ZNF362: variants seen among roughly 807,000 people sequenced by gnomAD.
ZNF362 encodes the protein rotund homolog.
In ZNF362, 11 loss-of-function variants were observed where a neutral mutation model predicts 42.9. That is an observed-to-expected ratio of 0.26 (90% CI 0.16 to 0.42). ZNF362 has a LOEUF of 0.42. Ranked by LOEUF, ZNF362 falls within the 20% of genes least tolerant of loss-of-function variation. ZNF362 has a pLI of 1.00. For missense variants in ZNF362, 362 were observed against 576.2 expected (o/e 0.63, Z 3.81); for synonymous variants, 255 against 257.3 (o/e 0.99, Z 0.09).
At chr1:33,175,586 G>C in the ZNF362 span, among the ~76,000 whole-genome samples, 2 of 152,142 alleles carry the variant, frequency 1.3e-5, no homozygotes, top group East Asian at 3.9e-4. Flanking sequence ...GTGCTCCCTG[G>C]GACAGTTGGC....
upstream of ZNF362, among the ~76,000 whole-genome samples, chr1:33,251,908 C>T (rs1291899102): frequency 6.6e-6 from 1 of 152,226 alleles, no homozygotes; most frequent in African/African-American, 2.4e-5. Context: ...CACCCATGTC[C>T]AGTCTATTCT....
the ZNF362 span, among the ~76,000 whole-genome samples, chr1:33,219,935 G>A: frequency 6.6e-6 from 1 of 152,106 alleles, no homozygotes; most frequent in Non-Finnish European, 1.5e-5. Context: ...CCCTTTTCCA[G>A]CTCAGGGCCC....
At chr1:33,270,390 A>G (rs981828169) in intron 1 of ZNF362, 97 bp from the exon 2 acceptor site, 2 of 564,184 alleles carry the variant, frequency 3.5e-6, no homozygotes, top group African/African-American at 1.9e-5. Context: ...GACATGAATC[A>G]TGACATATTC....
At chr1:33,241,037 C>G in the ZNF362 span, among the ~76,000 whole-genome samples, 1 of 150,656 alleles carries the variant, frequency 6.6e-6, no homozygotes, top group Non-Finnish European at 1.5e-5. Flanking sequence ...GCTGGGTAAT[C>G]CAAAGGGGGA....
At chr1:33,127,888 C>T in the ZNF362 span, among the ~76,000 whole-genome samples, 1 of 152,268 alleles carries the variant, frequency 6.6e-6, no homozygotes, top group Admixed American at 6.5e-5. Flanking sequence ...TTAATCGACA[C>T]AGGCCTGTGC....
the ZNF362 span, among the ~76,000 whole-genome samples, chr1:33,235,007 T>C: frequency 6.6e-6 from 1 of 151,934 alleles, no homozygotes; most frequent in Non-Finnish European, 1.5e-5. Context: ...CCCCCTGCAG[T>C]CCCGGGTCAT....
At chr1:33,160,603 C>A in the ZNF362 span, among the ~76,000 whole-genome samples, 2 of 152,028 alleles carry the variant, frequency 1.3e-5, no homozygotes, top group African/African-American at 4.8e-5. Context: ...TGGGGTTTCA[C>A]CATGTTGGCC....
chr1:33,132,918 G>A, the ZNF362 span, among the ~76,000 whole-genome samples: 4 of 152,234 alleles, frequency 2.6e-5, no homozygotes, highest in Admixed American at 6.5e-5. Flanking sequence ...AAGCATGGGG[G>A]AATGTTTTAA....
the ZNF362 span, among the ~76,000 whole-genome samples, chr1:33,250,896 G>GA: frequency 2.5e-5 from 1 of 39,968 alleles, no homozygotes; most frequent in East Asian, 8.3e-4. Context: ...GAAGAAGAAG[G>GA]AGAAGAAGAA....
chr1:33,135,244 C>T, the ZNF362 span, among the ~76,000 whole-genome samples: 6 of 152,150 alleles, frequency 3.9e-5, no homozygotes, highest in Non-Finnish European at 8.8e-5. Flanking sequence ...GCTGAGATGG[C>T]GCCACTGCAC....
intron 1 of ZNF362, among the ~76,000 whole-genome samples, chr1:33,262,724 A>C (rs765936819): frequency 6.6e-6 from 1 of 152,096 alleles, no homozygotes; most frequent in Non-Finnish European, 1.5e-5. Context: ...ACATTCATAC[A>C]TATTCACACT....
intron 1 of ZNF362, among the ~76,000 whole-genome samples, chr1:33,263,076 T>G (rs1645840113): frequency 6.6e-6 from 1 of 152,262 alleles, no homozygotes; most frequent in Non-Finnish European, 1.5e-5. Context: ...CAGGCCTCCT[T>G]GTGCACATGT....
the ZNF362 span, among the ~76,000 whole-genome samples, chr1:33,129,681 T>G: frequency 6.5e-4 from 99 of 152,222 alleles, no homozygotes; most frequent in African/African-American, 2.3e-3. This position sits in a 1 kb window ranked among gnomAD's most constrained non-coding sequence, Gnocchi z 4.1. Flanking sequence ...AGAAAACACA[T>G]TTGGTCCACA....
chr1:33,197,327 G>C, the ZNF362 span, among the ~76,000 whole-genome samples: 1 of 152,086 alleles, frequency 6.6e-6, no homozygotes, highest in Non-Finnish European at 1.5e-5. Context: ...GTAATCGTGT[G>C]AGCCAATCCT....
At chr1:33,205,131 G>GTT in the ZNF362 span, among the ~76,000 whole-genome samples, 1 of 151,428 alleles carries the variant, frequency 6.6e-6, no homozygotes, top group African/African-American at 2.5e-5. Context: ...AATCCTGTGT[G>GTT]TTTTTGTGTG....
At chr1:33,283,240 G>A (rs371704352) in intron 6 of ZNF362, among the ~76,000 whole-genome samples, 1 of 152,134 alleles carries the variant, frequency 6.6e-6, no homozygotes, top group East Asian at 1.9e-4. Flanking sequence ...AAGTAGCTGG[G>A]ATTACAGGCG....
At chr1:33,179,306 G>T in the ZNF362 span, among the ~76,000 whole-genome samples, 1 of 152,190 alleles carries the variant, frequency 6.6e-6, no homozygotes. Flanking sequence ...AGACTGGAAG[G>T]GAGTCAGTTG....
chr1:33,278,772 C>T (rs1410246070), intron 4 of ZNF362, among the ~76,000 whole-genome samples: 1 of 152,128 alleles, frequency 6.6e-6, no homozygotes, highest in African/African-American at 2.4e-5. Context: ...CAGCTCATTT[C>T]GACCTTCTCT....
At chr1:33,267,364 C>G (rs1645871868) in intron 1 of ZNF362, among the ~76,000 whole-genome samples, 1 of 152,196 alleles carries the variant, frequency 6.6e-6, no homozygotes, top group South Asian at 2.1e-4. Context: ...CCACTGTTAG[C>G]ATTTTGGTGT....
Sources: allele counts gnomAD v4.1 joint callset (sites outside exome capture counted in the v4.1 genomes callset), GRCh38; gene constraint gnomAD v4.1.1; non-coding constraint Gnocchi (gnomAD v3.1); transcripts MANE v1.5; gene names NCBI Gene and HGNC (gene_info 2026-07-23, HGNC 2026-07-21).